The following RGS6 variants were observed in gnomAD, a reference collection of about 807,000 sequenced individuals.
RGS6 encodes the protein regulator of G protein signaling 6, also known as regulator of G-protein signaling 6.
A neutral mutation model predicts 78.5 loss-of-function variants in RGS6; 30 were observed. The observed-to-expected ratio is 0.38, with a 90% confidence interval of 0.29 to 0.52. RGS6 has a LOEUF of 0.52. RGS6 is among the 20% of genes least tolerant of loss of function. RGS6 has a pLI of 0.85. For synonymous variants in RGS6, 206 were observed against 206.0 expected (o/e 1.00, Z 0.00); for missense variants, 495 against 609.7 (o/e 0.81, Z 1.98).
intron 2 of RGS6, among the ~76,000 whole-genome samples, chr14:72,098,660 A>AAAAATTTGGAAGTTTTGGC (rs1237809587): frequency 6.6e-6 from 1 of 152,208 alleles, no homozygotes; most frequent in East Asian, 1.9e-4. Context: ...AGTTTCCCTC[A>AAAAATTTGGAAGTTTTGGC]AAAATTTGGA....
chr14:72,550,840 T>TG (rs530053070), intron 17 of RGS6, among the ~76,000 whole-genome samples: 40 of 152,102 alleles, frequency 2.6e-4, no homozygotes, highest in Middle Eastern at 3.4e-3. Flanking sequence ...GTTTGGTTTT[T>TG]GGGGGGGTGT....
intron 2 of RGS6, among the ~76,000 whole-genome samples, chr14:72,173,119 G>A (rs377086754): frequency 2.6e-5 from 4 of 152,244 alleles, no homozygotes; most frequent in East Asian, 3.9e-4. Flanking sequence ...GCTGTGCCTG[G>A]AACATACTGG....
At chr14:72,493,627 C>T (rs1407761304) in intron 12 of RGS6, among the ~76,000 whole-genome samples, 1 of 152,068 alleles carries the variant, frequency 6.6e-6, no homozygotes, top group Non-Finnish European at 1.5e-5. Flanking sequence ...TAAATAACAA[C>T]AACCAGCAAG....
At chr14:72,047,723 T>C (rs2153400583) in intron 2 of RGS6, among the ~76,000 whole-genome samples, 1 of 151,652 alleles carries the variant, frequency 6.6e-6, no homozygotes, top group Admixed American at 6.6e-5. Context: ...TTTACAAACT[T>C]CATTTCTTTT....
intron 2 of RGS6, among the ~76,000 whole-genome samples, chr14:72,054,136 G>A (rs567456165): frequency 5.1e-4 from 77 of 152,238 alleles, no homozygotes; most frequent in African/African-American, 1.6e-3. Context: ...CCATCATACT[G>A]AAGGATTCCT....
chr14:72,591,297 T>C, the RGS6 span, among the ~76,000 whole-genome samples: 3 of 152,198 alleles, frequency 2.0e-5, no homozygotes, highest in African/African-American at 7.2e-5. Flanking sequence ...TAAAAGTAAA[T>C]TCAATTATGT....
At chr14:72,437,636 A>G (rs772506555) in intron 3 of RGS6, among the ~76,000 whole-genome samples, 30 of 152,250 alleles carry the variant, frequency 2.0e-4, no homozygotes, top group Admixed American at 5.2e-4. Context: ...TCCCATTCAC[A>G]GGGTTTTCCC....
rs184487847 is a variant in RGS6 at position 72,314,566 on chromosome 14, A to G, written c.85-37529A>G. Among the ~76,000 whole-genome samples, 204 of 152,280 alleles carry G rather than the reference A, an allele frequency of 1.3e-3. 1 individual carries two copies. Among genetic ancestry groups the G allele is most frequent in the African/African-American group, 4.7e-3 (195 of 41,558 alleles). Reference sequence around the variant, plus strand: ...GGTTGGGGGAGACAGCTCTAGAGTGAAGCACACAACAGTATATACTTTATA... The same window carrying G: ...GGTTGGGGGAGACAGCTCTAGAGTGGAGCACACAACAGTATATACTTTATA... On this transcript the variant is annotated intron_variant, in intron 2 of 17. Transcript: ENST00000553525.
chr14:72,261,237 G>A (rs78133033), intron 2 of RGS6, among the ~76,000 whole-genome samples: 4,650 of 152,270 alleles, frequency 0.031, 88 homozygotes, highest in African/African-American at 0.052. Flanking sequence ...ACGACCTGAT[G>A]TAAGAAGATG....
In RGS6 at chr14:71,950,870, C is replaced by T. The variant is rs142047255; in HGVS notation, c.-20-13902C>T. On this transcript the variant is annotated intron_variant, in intron 1 of 17. Transcript: ENST00000553525. Reference sequence around the variant, plus strand: ...AAAACCACAGTGAGATACCATCTCACACCAGTCAGAATGGTGATTATTAAA... The same window carrying T: ...AAAACCACAGTGAGATACCATCTCATACCAGTCAGAATGGTGATTATTAAA... Among the ~76,000 whole-genome samples the T allele has an allele frequency of 2.7e-3, 410 of 152,256 alleles. 3 individuals carry two copies. Among genetic ancestry groups the T allele is most frequent in the African/African-American group, 9.5e-3 (393 of 41,554 alleles).
intron 2 of RGS6, among the ~76,000 whole-genome samples, chr14:72,311,851 G>A (rs1023681769): frequency 6.6e-6 from 1 of 152,310 alleles, no homozygotes; most frequent in East Asian, 1.9e-4. Flanking sequence ...GGAAAAGGAA[G>A]AATGGCCTTC....
chr14:72,529,041 C>T (rs2097151112), intron 15 of RGS6, among the ~76,000 whole-genome samples: 1 of 152,180 alleles, frequency 6.6e-6, no homozygotes, highest in Non-Finnish European at 1.5e-5. Flanking sequence ...TTTCTGTTCA[C>T]CCACCCCCGT....
intron 2 of RGS6, among the ~76,000 whole-genome samples, chr14:72,318,550 C>G (rs567489422): frequency 3.3e-5 from 5 of 152,282 alleles, no homozygotes; most frequent in African/African-American, 1.2e-4. Flanking sequence ...CTGGGAGATT[C>G]TATATCCATG....
At chr14:72,304,852 G>C (rs1031284023) in intron 2 of RGS6, among the ~76,000 whole-genome samples, 7 of 151,678 alleles carry the variant, frequency 4.6e-5, no homozygotes, top group Non-Finnish European at 1.0e-4. Context: ...TGCACTCCAG[G>C]CTGGGCACAG....
At chr14:71,898,266 C>T in the RGS6 span, among the ~76,000 whole-genome samples, 3 of 140,542 alleles carry the variant, frequency 2.1e-5, no homozygotes, top group Middle Eastern at 3.6e-3. Context: ...GTTTGACTAA[C>T]CTCTCCCTAT....
chr14:72,436,264 G>A (rs1163478611), intron 3 of RGS6, among the ~76,000 whole-genome samples: 1 of 146,712 alleles, frequency 6.8e-6, no homozygotes, highest in Non-Finnish European at 1.5e-5. Flanking sequence ...CATCTTATTT[G>A]TTTTTTTTTT....
chr14:72,082,447 C>G (rs1271476937), intron 2 of RGS6, among the ~76,000 whole-genome samples: 2 of 152,020 alleles, frequency 1.3e-5, no homozygotes, highest in Non-Finnish European at 2.9e-5. Context: ...TAATTCATTA[C>G]TGGTGTATAG....
At chr14:72,114,505 C>A (rs1567232202) in intron 2 of RGS6, among the ~76,000 whole-genome samples, 1 of 152,162 alleles carries the variant, frequency 6.6e-6, no homozygotes, top group Non-Finnish European at 1.5e-5. Flanking sequence ...ATGCTGTCAT[C>A]TTCATAATGT....
intron 2 of RGS6, among the ~76,000 whole-genome samples, chr14:72,021,311 G>A (rs1185735921): frequency 6.6e-6 from 1 of 152,064 alleles, no homozygotes; most frequent in Non-Finnish European, 1.5e-5. Flanking sequence ...AATGATCTTA[G>A]CTGCTAGTCT....
Sources: gnomAD v4.1 joint callset for allele counts (sites outside exome capture counted in the v4.1 genomes callset) on GRCh38, gnomAD v4.1.1 for gene constraint, MANE v1.5 for transcripts, NCBI Gene and HGNC (gene_info 2026-07-23, HGNC 2026-07-21) for gene names.